The following XIRP2 variants were observed in gnomAD, a reference collection of about 807,000 sequenced individuals.
XIRP2 encodes xin actin-binding repeat-containing protein 2.
Under a neutral mutation model 277.0 loss-of-function variants are expected in XIRP2, and 236 were observed. That is an observed-to-expected ratio of 0.85 (90% CI 0.77 to 0.95). The LOEUF (loss-of-function observed/expected upper bound fraction) is 0.95. Among genes scored for constraint, XIRP2 ranks in the 40% least tolerant of loss-of-function variants. The pLI is 0.00. For synonymous variants in XIRP2, 1,490 were observed against 1,416.5 expected, an observed-to-expected ratio of 1.05 and a Z score of -1.17; for missense variants, 4,640 against 4,157.5, an observed-to-expected ratio of 1.12 and a Z score of -3.19.
At chr2:167,030,398 A>T (rs1688310478) in intron 2 of XIRP2, among the ~76,000 whole-genome samples, 1 of 152,144 alleles carries the variant, frequency 6.6e-6, no homozygotes, top group Admixed American at 6.6e-5. Context: ...GGCCGTAGAT[A>T]TTCTGGTACA....
intron 5 of XIRP2, among the ~76,000 whole-genome samples, chr2:167,231,511 GTTAA>G (rs1438833016): frequency 6.6e-6 from 1 of 151,696 alleles, no homozygotes; most frequent in East Asian, 1.9e-4. Flanking sequence ...TTTCCATTTG[GTTAA>G]GAAGATCTCA....
chr2:167,187,726 G>A (rs1016819135), intron 3 of XIRP2, among the ~76,000 whole-genome samples: 1 of 152,102 alleles, frequency 6.6e-6, no homozygotes, highest in African/African-American at 2.4e-5. Context: ...ATATGTTAGT[G>A]TCTTTGCAGA....
intron 2 of XIRP2, among the ~76,000 whole-genome samples, chr2:167,122,088 A>G (rs1228609537): frequency 6.6e-6 from 1 of 152,190 alleles, no homozygotes; most frequent in East Asian, 1.9e-4. Context: ...GTCCATGCCT[A>G]GCTTCTAAAT....
intron 2 of XIRP2, among the ~76,000 whole-genome samples, chr2:166,951,077 C>T (rs538884360): frequency 1.1e-4 from 16 of 152,064 alleles, no homozygotes; most frequent in African/African-American, 3.1e-4. Flanking sequence ...GATATAAAAA[C>T]GACGGAGTGG....
At chr2:167,033,756 T>C (rs7584912) in intron 2 of XIRP2, among the ~76,000 whole-genome samples, 20,270 of 151,932 alleles carry the variant, frequency 0.13, 1,893 homozygotes, top group East Asian at 0.46. Flanking sequence ...GGAAAAAATA[T>C]CTTATAATAG....
intron 2 of XIRP2, among the ~76,000 whole-genome samples, chr2:166,921,836 G>A (rs750436294): frequency 1.3e-5 from 2 of 152,100 alleles, no homozygotes; most frequent in Admixed American, 6.6e-5. Flanking sequence ...TCATCTGACA[G>A]CAGATCTTTG....
intron 5 of XIRP2, among the ~76,000 whole-genome samples, chr2:167,235,375 T>G (rs1694871104): frequency 6.6e-6 from 1 of 151,902 alleles, no homozygotes; most frequent in East Asian, 1.9e-4. Context: ...ATCATAGGTT[T>G]ATATGGAAGA....
Position 166,959,810 on chromosome 2 carries a change from T to C in XIRP2, c.408+55920T>C, listed in dbSNP as rs188719650. On this transcript the variant is annotated intron_variant, in intron 2 of 10. Coordinates refer to ENST00000409195, the MANE Select transcript of XIRP2 (RefSeq NM_152381.6). Reference sequence around the variant, plus strand: ...GTTAAACATCTTCTATTTGAGAGGATACAATCACAGTGACTGTCTTTGTGA... The same window carrying C: ...GTTAAACATCTTCTATTTGAGAGGACACAATCACAGTGACTGTCTTTGTGA... Among the ~76,000 whole-genome samples, 347 of 151,846 alleles carry C rather than the reference T, an allele frequency of 2.3e-3. 3 individuals are homozygous for C. Among genetic ancestry groups the C allele is most frequent in the African/African-American group, 8.1e-3 (336 of 41,488 alleles).
At chr2:167,140,431 G>A (rs1691681688) in intron 3 of XIRP2, among the ~76,000 whole-genome samples, 1 of 152,118 alleles carries the variant, frequency 6.6e-6, no homozygotes, top group South Asian at 2.1e-4. Flanking sequence ...GGCTTCTTTG[G>A]AAACTTCGGA....
chr2:167,215,336 A>G (rs1323943043), intron 4 of XIRP2, among the ~76,000 whole-genome samples: 3 of 152,228 alleles, frequency 2.0e-5, no homozygotes, highest in Non-Finnish European at 4.4e-5. Flanking sequence ...GAGCACAATC[A>G]TCTCTTCTCA....
rs115926585 is a variant in XIRP2, at chr2:167,092,427, A to G, written c.409-43482A>G. 3.5e-3 allele frequency among the ~76,000 whole-genome samples: 533 copies of G among 152,232 alleles called. 6 individuals are homozygous for G. The highest frequency in any genetic ancestry group is 7.3e-3 in the South Asian group (35 of 4,826). On this transcript the variant is annotated intron_variant, in intron 2 of 10. Coordinates refer to ENST00000409195, the MANE Select transcript of XIRP2 (RefSeq NM_152381.6). ...ACCCTGATCTTCATTACACAGAGCT[A>G]CACAATAGCAACACTGCAAACAAAA...
intron 2 of XIRP2, among the ~76,000 whole-genome samples, chr2:167,093,732 T>G (rs1459919437): frequency 3.9e-5 from 6 of 152,152 alleles, no homozygotes; most frequent in African/African-American, 1.4e-4. Context: ...GGCATTTGGG[T>G]TGGTTCCAAG....
chr2:167,193,879 CAAAAAAA>C (rs767047580), intron 3 of XIRP2, among the ~76,000 whole-genome samples: 2 of 71,798 alleles, frequency 2.8e-5, no homozygotes, highest in African/African-American at 1.0e-4. Flanking sequence ...GACTCTGTCT[CAAAAAAA>C]AAAAAAAAAA....
At chr2:167,117,546 G>A (rs1399544987) in intron 2 of XIRP2, among the ~76,000 whole-genome samples, 1 of 152,150 alleles carries the variant, frequency 6.6e-6, no homozygotes, top group Non-Finnish European at 1.5e-5. Flanking sequence ...CAAATCCAAG[G>A]AGATAATGTC....
rs538832673 is a variant in XIRP2 at position 167,067,814 on chromosome 2, T to C, written c.409-68095T>C. On this transcript the variant is annotated intron_variant, in intron 2 of 10. Coordinates refer to ENST00000409195, the MANE Select transcript of XIRP2 (RefSeq NM_152381.6). ...GGTATGCCTGTAAATGTCTTGAAACTATGAAGACATTATAATAATTTTTTC... is the reference window on the plus strand; with the variant it reads ...GGTATGCCTGTAAATGTCTTGAAACCATGAAGACATTATAATAATTTTTTC... Among the ~76,000 whole-genome samples the C allele has an allele frequency of 2.4e-4, 37 of 152,308 alleles. 1 individual carries two copies. The highest frequency in any genetic ancestry group is 3.4e-3 in the Middle Eastern group (1 of 294).
Position 167,053,465 on chromosome 2 carries a change from T to A in XIRP2, c.409-82444T>A, listed in dbSNP as rs565822785. ...TAATCCTTATAAGGACAGGGTGCAATGGGTTGTTTTTATTAATCTCTGTAT... is the reference window on the plus strand; with the variant it reads ...TAATCCTTATAAGGACAGGGTGCAAAGGGTTGTTTTTATTAATCTCTGTAT... On this transcript the variant is annotated intron_variant, in intron 2 of 10. Transcript: ENST00000409195. 3.8e-4 allele frequency among the ~76,000 whole-genome samples: 58 copies of A among 152,264 alleles called. 1 individual carries two copies. Among genetic ancestry groups the A allele is most frequent in the African/African-American group, 1.3e-3 (52 of 41,546 alleles).
intron 2 of XIRP2, among the ~76,000 whole-genome samples, chr2:166,909,404 T>A (rs1423898712): frequency 6.6e-6 from 1 of 152,188 alleles, no homozygotes; most frequent in Non-Finnish European, 1.5e-5. Flanking sequence ...CACTCATGAT[T>A]TGGCTCTCTG....
intron 2 of XIRP2, among the ~76,000 whole-genome samples, chr2:166,934,307 A>AAGGG (rs1251408243): frequency 2.0e-5 from 3 of 151,940 alleles, no homozygotes; most frequent in African/African-American, 7.3e-5. Flanking sequence ...CAAGGAACTG[A>AAGGG]AGGGAGCAGC....
At chr2:166,925,946 T>C (rs1439106406) in intron 2 of XIRP2, among the ~76,000 whole-genome samples, 2 of 151,728 alleles carry the variant, frequency 1.3e-5, no homozygotes, top group Non-Finnish European at 2.9e-5. Context: ...TAGTAGGGTG[T>C]GCTTGTAGTC....
Sources: gnomAD v4.1 joint callset for allele counts (sites outside exome capture counted in the v4.1 genomes callset) on GRCh38, gnomAD v4.1.1 for gene constraint, MANE v1.5 for transcripts, NCBI Gene and HGNC (gene_info 2026-07-23, HGNC 2026-07-21) for gene names.